LARS2: variants seen among roughly 807,000 people sequenced by gnomAD.
LARS2 encodes the protein leucyl-tRNA synthetase 2, mitochondrial, also known as leucine--tRNA ligase, mitochondrial.
A neutral mutation model predicts 116.6 loss-of-function variants in LARS2; 81 were observed. The ratio of observed to expected loss-of-function variants is 0.69; its 90% CI spans 0.58 to 0.84. The LOEUF is 0.84. Among genes scored for constraint, LARS2 ranks in the 40% least tolerant of loss-of-function variants. The pLI is 0.00. For synonymous variants in LARS2, 396 were observed against 407.2 expected, an observed-to-expected ratio of 0.97 and a Z score of 0.33; for missense variants, 968 against 1,114.5, an observed-to-expected ratio of 0.87 and a Z score of 1.87.
intron 10 of LARS2, among the ~76,000 whole-genome samples, chr3:45,482,374 A>T (rs991540299): frequency 6.6e-6 from 1 of 152,098 alleles, no homozygotes; most frequent in African/African-American, 2.4e-5. Flanking sequence ...GATATTCCCA[A>T]GTGTGGGGTT....
intron 8 of LARS2, among the ~76,000 whole-genome samples, chr3:45,466,877 C>T (rs751310130): frequency 2.6e-4 from 39 of 152,092 alleles, no homozygotes; most frequent in Non-Finnish European, 3.4e-4. Flanking sequence ...CCACCATGCC[C>T]GGCTAATTTT....
intron 6 of LARS2, among the ~76,000 whole-genome samples, chr3:45,428,010 G>C (rs192043982): frequency 6.6e-6 from 1 of 151,390 alleles, no homozygotes. Flanking sequence ...TAGTACAGAT[G>C]GGGTTTCACC....
intron 6 of LARS2, among the ~76,000 whole-genome samples, chr3:45,426,196 G>A (rs1698592457): frequency 6.6e-6 from 1 of 152,156 alleles, no homozygotes; most frequent in Non-Finnish European, 1.5e-5. Flanking sequence ...TAATAACGAA[G>A]CCTCCGGAAT....
chr3:45,430,272 A>AT (rs58555987), intron 6 of LARS2, among the ~76,000 whole-genome samples: 8,192 of 96,660 alleles, frequency 0.085, 332 homozygotes, highest in African/African-American at 0.17. Context: ...GCACCCGGCC[A>AT]TTTTTTTTTT....
At chr3:45,414,589 G>T (rs534723140) in intron 4 of LARS2, among the ~76,000 whole-genome samples, 98 of 152,258 alleles carry the variant, frequency 6.4e-4, no homozygotes, top group African/African-American at 2.0e-3. Context: ...AAAGTAAGGG[G>T]CTGGGGGCAG....
chr3:45,481,291 C>T (rs975926959), intron 10 of LARS2, among the ~76,000 whole-genome samples: 1 of 152,086 alleles, frequency 6.6e-6, no homozygotes, highest in Non-Finnish European at 1.5e-5. Flanking sequence ...GTTATTTCTA[C>T]TTTTTTACTA....
intron 15 of LARS2, among the ~76,000 whole-genome samples, chr3:45,507,305 A>G (rs962726217): frequency 6.6e-6 from 1 of 152,098 alleles, no homozygotes; most frequent in African/African-American, 2.4e-5. Context: ...TCTTCCATGT[A>G]GTAAGGAAGC....
At chr3:45,492,872 A>G (rs78408201) in intron 13 of LARS2, among the ~76,000 whole-genome samples, 2,004 of 152,246 alleles carry the variant, frequency 0.013, 30 homozygotes, top group African/African-American at 0.046. Context: ...GGAGGGAGGT[A>G]TATAGGAAGG....
intron 6 of LARS2, among the ~76,000 whole-genome samples, chr3:45,430,029 T>TTTTTTTTTTTTTTTTTTTTG (rs1553629354): frequency 1.4e-5 from 2 of 138,762 alleles, no homozygotes; most frequent in African/African-American, 5.7e-5. Flanking sequence ...TTTTTTTTTT[T>TTTTTTTTTTTTTTTTTTTTG]GAGACAGAGT....
At chr3:45,453,905 G>A (rs1183420297) in intron 7 of LARS2, among the ~76,000 whole-genome samples, 1 of 152,056 alleles carries the variant, frequency 6.6e-6, no homozygotes. Context: ...GGGGAGAGAG[G>A]CGGGGAAAAC....
intron 4 of LARS2, among the ~76,000 whole-genome samples, chr3:45,412,635 A>G (rs1028391748): frequency 6.6e-6 from 1 of 152,248 alleles, no homozygotes; most frequent in Non-Finnish European, 1.5e-5. Flanking sequence ...GTGTGGATGC[A>G]GGAATTGAAG....
intron 4 of LARS2, among the ~76,000 whole-genome samples, chr3:45,412,387 A>T (rs1223375229): frequency 6.6e-6 from 1 of 152,080 alleles, no homozygotes; most frequent in African/African-American, 2.4e-5. Flanking sequence ...ATATGTGTAC[A>T]TATGTTTGTA....
intron 6 of LARS2, among the ~76,000 whole-genome samples, chr3:45,444,295 G>A (rs945051016): frequency 1.2e-4 from 18 of 149,934 alleles, no homozygotes; most frequent in Middle Eastern, 6.8e-3. Context: ...TTATAGGCAT[G>A]AGCCACTGCG....
rs1375310840 is a variant in LARS2, at chr3:45,491,796, C to T, written c.1519C>T (p.Pro507Ser). Residue 507 changes from proline to serine, a missense_variant, in exon 13 of 22, where the codon CCA (proline) becomes TCA (serine). Pro to Ser is a moderately conservative substitution (Grantham distance 74). Transcript: ENST00000645846. Reference sequence around the variant, plus strand: ...TTCAGAGTGGGTGAACTGCTCCTGCCCAAGGTAAGGAGCCACATCCCTGCA... The same window carrying T: ...TTCAGAGTGGGTGAACTGCTCCTGCTCAAGGTAAGGAGCCACATCCCTGCA... ...MASEWVNCSC[P>S]RCKGAAKRET... is the part of the protein sequence containing the mutation. 6.2e-7 allele frequency: 1 copy of T among 1,613,218 alleles called. No individual in the cohort carries two copies. The highest frequency in any genetic ancestry group is 1.3e-5 in the African/African-American group (1 of 74,890).
At chr3:45,395,671 C>T (rs1219924007) in intron 3 of LARS2, among the ~76,000 whole-genome samples, 1 of 152,234 alleles carries the variant, frequency 6.6e-6, no homozygotes, top group Non-Finnish European at 1.5e-5. Flanking sequence ...CCACACCTCT[C>T]TAGACTTGCC....
chr3:45,425,817 C>T (rs1698584724), intron 6 of LARS2, among the ~76,000 whole-genome samples: 1 of 152,110 alleles, frequency 6.6e-6, no homozygotes, highest in Non-Finnish European at 1.5e-5. Context: ...ATTCCATCAT[C>T]ACACCTAAAA....
chr3:45,433,573 T>C (rs1356140634), intron 6 of LARS2, among the ~76,000 whole-genome samples: 1 of 152,168 alleles, frequency 6.6e-6, no homozygotes, highest in Middle Eastern at 3.2e-3. Context: ...ATGTTTCCTC[T>C]ATATACATTG....
At position 45,476,515 on chromosome 3, in the gene LARS2, C is replaced by T. The variant is rs775030418; in HGVS notation, c.906C>T (p.Thr302=). The change falls in exon 10 of 22, where the codon ACC becomes ACT. Residue 302 remains threonine (T), a synonymous_variant. Transcript: ENST00000645846. ...AAAAGCTGACTGCCTATACGGCCAC[C>T]CCTGAAGCCATTTATGGCACCTCCC... ...TGEKLTAYTA[T]PEAIYGTSHV... is the part of the protein sequence containing the mutation. The T allele has an allele frequency of 1.9e-6, 3 of 1,614,086 alleles. No homozygotes were observed. The highest frequency in any genetic ancestry group is 2.5e-6 in the Non-Finnish European group (3 of 1,180,032).
chr3:45,499,939 TTTC>T (rs1261630953), intron 14 of LARS2, among the ~76,000 whole-genome samples: 1 of 152,190 alleles, frequency 6.6e-6, no homozygotes, highest in East Asian at 1.9e-4. Flanking sequence ...ACCTGACTTT[TTTC>T]TTTTTTATTA....
Sources: allele counts gnomAD v4.1 joint callset (sites outside exome capture counted in the v4.1 genomes callset), GRCh38; gene constraint gnomAD v4.1.1; transcripts MANE v1.5; gene names NCBI Gene and HGNC (gene_info 2026-07-23, HGNC 2026-07-21).